The following PTPRM variants were observed in gnomAD, a reference collection of about 807,000 sequenced individuals.
The protein encoded by PTPRM is receptor-type tyrosine-protein phosphatase mu.
PTPRM carries 47 observed loss-of-function variants against 186.7 expected under a neutral mutation model. The ratio of observed to expected loss-of-function variants is 0.25; its 90% CI spans 0.20 to 0.32. The LOEUF is 0.32. PTPRM is among the 10% of genes least tolerant of loss of function. The pLI, the probability that PTPRM is intolerant of heterozygous loss-of-function variation, is 1.00. For synonymous variants in PTPRM, 668 were observed against 674.9 expected, an observed-to-expected ratio of 0.99 and a Z score of 0.16; for missense variants, 1,494 against 1,865.0, an observed-to-expected ratio of 0.80 and a Z score of 3.66.
intron 1 of PTPRM, among the ~76,000 whole-genome samples, chr18:7,757,475 T>C (rs890320589): frequency 3.3e-5 from 5 of 152,206 alleles, no homozygotes; most frequent in African/African-American, 1.2e-4. Flanking sequence ...TGTTCCACTG[T>C]AGAAATGTAA....
At chr18:7,834,497 C>CACACACACACATACACACACACACACAT (rs1457217531) in intron 2 of PTPRM, among the ~76,000 whole-genome samples, 3 of 140,714 alleles carry the variant, frequency 2.1e-5, no homozygotes, top group African/African-American at 8.1e-5. Context: ...AGTATACACA[C>CACACACACACATACACACACACACACAT]ACACACACAC....
chr18:8,293,668 T>G (rs9807194), intron 19 of PTPRM, among the ~76,000 whole-genome samples: 5,925 of 152,306 alleles, frequency 0.039, 174 homozygotes, highest in East Asian at 0.069. Context: ...ACTATAAAAT[T>G]ATTGTCATTC....
intron 2 of PTPRM, among the ~76,000 whole-genome samples, chr18:7,847,743 C>T (rs1053566010): frequency 4.6e-5 from 7 of 152,180 alleles, no homozygotes; most frequent in Non-Finnish European, 8.8e-5. Flanking sequence ...ATCTATATTA[C>T]ACATCTTATA....
At chr18:7,999,273 A>G (rs2083728780) in intron 7 of PTPRM, among the ~76,000 whole-genome samples, 1 of 152,298 alleles carries the variant, frequency 6.6e-6, no homozygotes, top group Admixed American at 6.5e-5. Context: ...GGGAGAATGT[A>G]CAAACTCCAC....
chr18:8,218,780 C>T (rs1171982817), intron 14 of PTPRM, among the ~76,000 whole-genome samples: 1 of 152,232 alleles, frequency 6.6e-6, no homozygotes, highest in Non-Finnish European at 1.5e-5. Flanking sequence ...TGACATTTCT[C>T]TTGGCAGTTC....
Position 7,906,559 on chromosome 18 carries a change from G to T in PTPRM, c.523G>T (p.Val175Leu), listed in dbSNP as rs1257017653. ...GHQGYLAIDEVKVLGHPCTRT... is the reference protein window; with the variant it reads ...GHQGYLAIDELKVLGHPCTRT... ...TCAAGGCTATCTCGCTATCGATGAGGTGAAGGTGTTAGGACATCCATGTAG... is the reference window on the plus strand; with the variant it reads ...TCAAGGCTATCTCGCTATCGATGAGTTGAAGGTGTTAGGACATCCATGTAG... Residue 175 changes from valine (V) to leucine (L), a missense_variant, in exon 4 of 33, where the codon GTG becomes TTG. Around this residue, in one of 3 missense-constraint regions of PTPRM, gnomAD observed 296 missense variants for 345.5 expected, o/e 0.86. Transcript: ENST00000580170. 1 of 1,613,270 alleles carries T rather than the reference G, an allele frequency of 6.2e-7. No homozygotes were observed. Among genetic ancestry groups the T allele is most frequent in the Non-Finnish European group, 8.5e-7 (1 of 1,179,212 alleles).
intron 2 of PTPRM, among the ~76,000 whole-genome samples, chr18:7,883,018 A>T (rs1394321213): frequency 6.6e-6 from 1 of 152,174 alleles, no homozygotes; most frequent in Non-Finnish European, 1.5e-5. Context: ...AACCAAAATA[A>T]TTATTCTTAA....
At chr18:8,206,888 G>A (rs1229325759) in intron 14 of PTPRM, among the ~76,000 whole-genome samples, 2 of 152,130 alleles carry the variant, frequency 1.3e-5, no homozygotes, top group African/African-American at 4.8e-5. Context: ...GAGAGAATGT[G>A]AAGAGACACG....
intron 1 of PTPRM, among the ~76,000 whole-genome samples, chr18:7,756,831 G>C (rs541932529): frequency 1.3e-5 from 2 of 152,130 alleles, no homozygotes; most frequent in African/African-American, 4.8e-5. Flanking sequence ...GTAAAGGGGG[G>C]ACAACGTTTT....
chr18:7,893,607 A>C (rs1293837514), intron 3 of PTPRM, among the ~76,000 whole-genome samples: 1 of 152,204 alleles, frequency 6.6e-6, no homozygotes, highest in Admixed American at 6.5e-5. Context: ...GTATAGATCT[A>C]CTGAAAACCC....
intron 2 of PTPRM, among the ~76,000 whole-genome samples, chr18:7,778,272 C>T (rs78543796): frequency 2.6e-5 from 4 of 151,736 alleles, no homozygotes; most frequent in African/African-American, 4.8e-5. Context: ...TACTAAATGC[C>T]GTTTAAATTT....
intron 2 of PTPRM, among the ~76,000 whole-genome samples, chr18:7,787,294 G>T (rs959269938): frequency 6.6e-6 from 1 of 152,186 alleles, no homozygotes; most frequent in African/African-American, 2.4e-5. Flanking sequence ...GGATGATTAA[G>T]TTCTGGAAAA....
chr18:8,093,715 T>C (rs2090874742), intron 11 of PTPRM, among the ~76,000 whole-genome samples: 1 of 152,182 alleles, frequency 6.6e-6, no homozygotes. Context: ...TGAATCATTA[T>C]GTGATTGTGG....
chr18:8,035,703 GAAAT>G (rs993902260), intron 7 of PTPRM, among the ~76,000 whole-genome samples: 1 of 151,986 alleles, frequency 6.6e-6, no homozygotes, highest in African/African-American at 2.4e-5. Context: ...CTCCACAAAA[GAAAT>G]AAACACAAAC....
intron 18 of PTPRM, 28 bp from the exon 19 acceptor site, chr18:8,253,199 C>T: frequency 7.3e-7 from 1 of 1,369,536 alleles, no homozygotes; most frequent in South Asian, 1.9e-5. Context: ...GGCTCTCCCT[C>T]ATTTTCTCCC....
chr18:8,119,506 T>G (rs2092091452), intron 13 of PTPRM, among the ~76,000 whole-genome samples: 1 of 152,206 alleles, frequency 6.6e-6, no homozygotes, highest in South Asian at 2.1e-4. Flanking sequence ...TGCTGTTATT[T>G]AGGCTTTGGA....
intron 1 of PTPRM, among the ~76,000 whole-genome samples, chr18:7,760,102 G>A (rs1212660323): frequency 6.6e-6 from 1 of 152,090 alleles, no homozygotes; most frequent in East Asian, 1.9e-4. Flanking sequence ...ATATCAGTAG[G>A]GTTTCTTCTG....
chr18:8,379,399 C>T, intron 28 of PTPRM, 59 bp downstream of exon 28: 1 of 1,501,218 alleles, frequency 6.7e-7, no homozygotes, highest in Admixed American at 2.0e-5. Context: ...GACTGCAGAA[C>T]AGGCTTGGGT....
chr18:7,844,210 G>A (rs1034028169), intron 2 of PTPRM, among the ~76,000 whole-genome samples: 3 of 152,142 alleles, frequency 2.0e-5, no homozygotes, highest in Admixed American at 1.3e-4. Context: ...TATAAGTGTG[G>A]CCATGATTGC....
Sources: gnomAD v4.1 joint callset for allele counts (sites outside exome capture counted in the v4.1 genomes callset) on GRCh38, gnomAD v4.1.1 for gene constraint, gnomAD v4.1.1 regional missense constraint, MANE v1.5 for transcripts, NCBI Gene and HGNC (gene_info 2026-07-23, HGNC 2026-07-21) for gene names.